The following XKR4 variants were observed in gnomAD, a reference collection of about 807,000 sequenced individuals.
XKR4 encodes the protein XK related 4.
XKR4 carries 12 observed loss-of-function variants against 53.9 expected under a neutral mutation model. The observed-to-expected ratio is 0.22, with a 90% CI of 0.14 to 0.36. XKR4 has a LOEUF of 0.36. Among genes scored for constraint, XKR4 ranks in the 10% least tolerant of loss-of-function variants. XKR4 has a pLI of 1.00. For synonymous variants in XKR4, 354 were observed against 362.4 expected (o/e 0.98, Z 0.26); for missense variants, 799 against 859.5 (o/e 0.93, Z 0.88).
intron 2 of XKR4, among the ~76,000 whole-genome samples, chr8:55,408,723 C>A (rs991108551): frequency 6.6e-6 from 1 of 152,140 alleles, no homozygotes; most frequent in African/African-American, 2.4e-5. Context: ...AAGATGGAGC[C>A]ACAAGCCGGG....
At position 55,103,044 on chromosome 8, in the gene XKR4, C is replaced by A; in HGVS notation, c.556C>A (p.Pro186Thr). 2 of 1,612,698 alleles carry A rather than the reference C, an allele frequency of 1.2e-6. No homozygotes were observed. The highest frequency in any genetic ancestry group is 1.1e-5 in the South Asian group (1 of 91,032). ...CACGGCCGCTGCTGCCTCCAGCTGC[C>A]CGCAGCCTGGAGCCGATTGCAAGAC... ...SATAAAASSC[P>T]QPGADCKTVV... The change falls in exon 1 of 3, where the codon CCG (proline) becomes ACG (threonine). Residue 186 changes from proline to threonine, a missense_variant. This residue lies in a region of XKR4 where 476 missense variants were observed against 505.4 expected (regional missense o/e 0.94). Coordinates refer to ENST00000327381, the MANE Select transcript of XKR4 (RefSeq NM_052898.2).
At chr8:55,210,042 C>T (rs1294645742) in intron 1 of XKR4, among the ~76,000 whole-genome samples, 2 of 151,640 alleles carry the variant, frequency 1.3e-5, no homozygotes, top group African/African-American at 4.8e-5. Flanking sequence ...GGCCAGGAAA[C>T]ACAGACTTCA....
chr8:55,417,284 C>T lies in XKR4; in HGVS notation c.1006+59407C>T, dbSNP rs190645391. ...ATGATGCCTTACAGCCCATTCTGCA[C>T]CCAGCCACGGTTTAGGAGAGAAGTT... On this transcript the variant is annotated intron_variant, in intron 2 of 2. Transcript: ENST00000327381. Among the ~76,000 whole-genome samples the T allele has an allele frequency of 7.4e-4, 112 of 152,336 alleles. 1 individual carries two copies. Among genetic ancestry groups the T allele is most frequent in the South Asian group, 6.0e-3 (29 of 4,830 alleles).
intron 1 of XKR4, among the ~76,000 whole-genome samples, chr8:55,143,352 T>C (rs544782910): frequency 2.2e-4 from 34 of 152,350 alleles, no homozygotes; most frequent in African/African-American, 7.7e-4. Flanking sequence ...TTTTGCCTTT[T>C]AATAATGATT....
chr8:55,454,082 A>T (rs1283809861), intron 2 of XKR4: 1 of 820,578 alleles, frequency 1.2e-6, no homozygotes, highest in Non-Finnish European at 2.1e-6. Flanking sequence ...TTTGTCCTGC[A>T]TATTCAAGGA....
chr8:55,386,309 G>T (rs986800362), intron 2 of XKR4, among the ~76,000 whole-genome samples: 5 of 152,188 alleles, frequency 3.3e-5, no homozygotes, highest in Non-Finnish European at 5.9e-5. Context: ...CACACGGGAT[G>T]CAGCAAGCCT....
intron 2 of XKR4, among the ~76,000 whole-genome samples, chr8:55,411,205 C>A (rs571279888): frequency 1.3e-5 from 2 of 152,290 alleles, no homozygotes; most frequent in South Asian, 4.1e-4. Context: ...CCCAAGTCTA[C>A]CACTAATGAG....
intron 2 of XKR4, among the ~76,000 whole-genome samples, chr8:55,522,970 G>A (rs1014267748): frequency 1.3e-5 from 2 of 151,850 alleles, no homozygotes; most frequent in African/African-American, 2.4e-5. Context: ...GTGAAACCCC[G>A]TCTCTACTAA....
At chr8:55,125,772 GA>G (rs545632510) in intron 1 of XKR4, among the ~76,000 whole-genome samples, 3,428 of 148,796 alleles carry the variant, frequency 0.023, 45 homozygotes, top group Non-Finnish European at 0.029. Flanking sequence ...ACAATTCCCA[GA>G]AAAAAAAAAT....
At chr8:55,412,509 C>T (rs1422294305) in intron 2 of XKR4, among the ~76,000 whole-genome samples, 1 of 152,212 alleles carries the variant, frequency 6.6e-6, no homozygotes, top group African/African-American at 2.4e-5. Context: ...TTATTCCCAA[C>T]ATTTGCACCC....
At chr8:55,313,339 G>T (rs554235316) in intron 1 of XKR4, among the ~76,000 whole-genome samples, 11 of 152,338 alleles carry the variant, frequency 7.2e-5, no homozygotes, top group African/African-American at 2.6e-4. Flanking sequence ...TTCTGAGGAT[G>T]CTATTAGAGT....
intron 2 of XKR4, among the ~76,000 whole-genome samples, chr8:55,443,882 C>T (rs1039462586): frequency 6.8e-6 from 1 of 146,292 alleles, no homozygotes; most frequent in African/African-American, 2.5e-5. Context: ...AAGAAAAAAT[C>T]AAAATGGGCC....
rs564665437 is a variant in XKR4 at position 55,527,485 on chromosome 8, T to C, written c.*3258T>C. 3.3e-5 allele frequency: 5 copies of C among 152,338 alleles called. No individual in the cohort carries two copies. The highest frequency in any genetic ancestry group is 7.4e-5 in the Non-Finnish European group (5 of 68,018). The allele number at this position is 152,338 out of a possible 1,614,324, so 9.4% of individuals were successfully genotyped here. A position where few individuals can be genotyped will look rare whatever the true frequency, so the allele number is the denominator to read the frequency against. ...ACTTGCATTTCTAAATATGAAACCATGTTTAATGAATATATATAATGTGTG... is the reference window on the plus strand; with the variant it reads ...ACTTGCATTTCTAAATATGAAACCACGTTTAATGAATATATATAATGTGTG... On this transcript the variant is annotated 3_prime_UTR_variant, in exon 3 of 3. Transcript: ENST00000327381.
intron 2 of XKR4, among the ~76,000 whole-genome samples, chr8:55,398,752 T>C (rs919482750): frequency 2.6e-5 from 4 of 152,230 alleles, no homozygotes; most frequent in Non-Finnish European, 4.4e-5. Flanking sequence ...CAGGACTTGA[T>C]AGCAAAACTG....
intron 1 of XKR4, among the ~76,000 whole-genome samples, chr8:55,211,143 T>A (rs147978919): frequency 6.6e-6 from 1 of 152,350 alleles, no homozygotes; most frequent in African/African-American, 2.4e-5. Flanking sequence ...ACTGCCTGCC[T>A]GATTGGTTTC....
chr8:55,540,191 C>T lies in XKR4; in HGVS notation c.*15964C>T, dbSNP rs1322386918. 1.3e-5 allele frequency: 2 copies of T among 152,176 alleles called. No homozygotes were observed. The highest frequency in any genetic ancestry group is 1.9e-4 in the East Asian group (1 of 5,198). 9.4% of individuals were successfully genotyped at this position (152,176 alleles called of 1,614,324 possible). On this transcript the variant is annotated 3_prime_UTR_variant, in exon 3 of 3. Transcript: ENST00000327381. ...TGTGATTATGCTGCTGAGGACCAGT[C>T]ATTCTGTAAACATCACATATGTGAT...
chr8:55,226,954 C>A (rs1817961587), intron 1 of XKR4, among the ~76,000 whole-genome samples: 1 of 152,178 alleles, frequency 6.6e-6, no homozygotes, highest in Non-Finnish European at 1.5e-5. Flanking sequence ...CCCTTCCTAT[C>A]TGGCTGCTTC....
intron 2 of XKR4, among the ~76,000 whole-genome samples, chr8:55,477,331 C>G (rs917389643): frequency 6.6e-6 from 1 of 152,164 alleles, no homozygotes; most frequent in Non-Finnish European, 1.5e-5. Flanking sequence ...TCCAACAGAC[C>G]TGCAGCTGAG....
At chr8:55,139,807 GT>G (rs1294422225) in intron 1 of XKR4, among the ~76,000 whole-genome samples, 1 of 152,098 alleles carries the variant, frequency 6.6e-6, no homozygotes, top group African/African-American at 2.4e-5. Flanking sequence ...ACCAGCAGAT[GT>G]ATTTAAAGTA....
Sources: allele counts gnomAD v4.1 joint callset (sites outside exome capture counted in the v4.1 genomes callset), GRCh38; gene constraint gnomAD v4.1.1; regional missense constraint gnomAD v4.1.1; transcripts MANE v1.5; gene names NCBI Gene and HGNC (gene_info 2026-07-23, HGNC 2026-07-21).